Variants in PPFIA2 observed in about 807,000 individuals in gnomAD.
PPFIA2 encodes liprin-alpha-2.
A neutral mutation model predicts 175.5 loss-of-function variants in PPFIA2; 46 were observed. That is an observed-to-expected ratio of 0.26 (90% CI 0.21 to 0.34). The LOEUF is 0.34. Ranked by LOEUF, PPFIA2 falls within the 10% of genes least tolerant of loss-of-function variation. The pLI is 1.00. For missense variants in PPFIA2, 1,179 were observed against 1,506.1 expected, an observed-to-expected ratio of 0.78 and a Z score of 3.60; for synonymous variants, 568 against 511.4, an observed-to-expected ratio of 1.11 and a Z score of -1.49.
intron 22 of PPFIA2, among the ~76,000 whole-genome samples, chr12:81,315,140 G>C (rs1439358444): frequency 6.6e-6 from 1 of 151,802 alleles, no homozygotes; most frequent in Non-Finnish European, 1.5e-5. Context: ...AAACTCATCA[G>C]CAGAAGATTC....
intron 3 of PPFIA2, among the ~76,000 whole-genome samples, chr12:81,753,562 C>A (rs1400786217): frequency 1.3e-5 from 2 of 149,454 alleles, no homozygotes; most frequent in Non-Finnish European, 3.0e-5. Context: ...ACGAGACTTC[C>A]AAAGTACGGT....
chr12:81,270,122 T>C (rs1362327946), intron 28 of PPFIA2, among the ~76,000 whole-genome samples: 2 of 152,230 alleles, frequency 1.3e-5, no homozygotes, highest in African/African-American at 4.8e-5. Context: ...ACATGGATTT[T>C]GTTTTGTATA....
chr12:81,499,317 A>T (rs1470889722), intron 4 of PPFIA2, among the ~76,000 whole-genome samples: 2 of 152,172 alleles, frequency 1.3e-5, no homozygotes, highest in Admixed American at 6.5e-5. Context: ...AAAATTGATG[A>T]TAATCTCAAA....
chr12:81,367,765 G>T (rs1352870733), intron 13 of PPFIA2, among the ~76,000 whole-genome samples: 2 of 151,508 alleles, frequency 1.3e-5, no homozygotes, highest in African/African-American at 4.8e-5. Context: ...AACCTTGCCA[G>T]AAAATTATTT....
At chr12:81,680,702 T>C (rs1254553472) in intron 3 of PPFIA2, among the ~76,000 whole-genome samples, 1 of 151,954 alleles carries the variant, frequency 6.6e-6, no homozygotes, top group Non-Finnish European at 1.5e-5. Context: ...CAGGTCCATC[T>C]TCAGGATATC....
At chr12:81,641,176 G>A (rs536502110) in intron 4 of PPFIA2, among the ~76,000 whole-genome samples, 1 of 152,018 alleles carries the variant, frequency 6.6e-6, no homozygotes, top group African/African-American at 2.4e-5. Context: ...GTCTGGAATG[G>A]GTTTTAATCA....
intron 24 of PPFIA2, among the ~76,000 whole-genome samples, chr12:81,285,788 G>A (rs1205374456): frequency 2.1e-4 from 32 of 152,052 alleles, no homozygotes; most frequent in Admixed American, 2.0e-3. Flanking sequence ...CTGGGTTATT[G>A]GTTTATGTAT....
intron 4 of PPFIA2, among the ~76,000 whole-genome samples, chr12:81,548,725 T>C (rs1261862561): frequency 6.6e-6 from 1 of 152,140 alleles, no homozygotes; most frequent in Non-Finnish European, 1.5e-5. Context: ...TATGTAAAAA[T>C]GCACGTAGCC....
Position 81,521,527 on chromosome 12 carries a change from G to A in PPFIA2, c.304-63661C>T, listed in dbSNP as rs139555330. 4.2e-4 allele frequency among the ~76,000 whole-genome samples: 64 copies of A among 152,104 alleles called. No individual in the cohort carries two copies. The East Asian group carries it at 0.011, about 27-fold the overall frequency. ...AAAAGTAATGTCATCCAAAGGAACA[G>A]TGTTTGAAGTATTCATAGCCTTTTG... On this transcript the variant is annotated intron_variant, in intron 4 of 32. Transcript: ENST00000549396.
chr12:81,311,259 C>A (rs2050705346), intron 22 of PPFIA2, among the ~76,000 whole-genome samples: 1 of 152,120 alleles, frequency 6.6e-6, no homozygotes, highest in Non-Finnish European at 1.5e-5. Flanking sequence ...TAGAAATCAA[C>A]CAGTAGTACA....
chr12:81,372,145 CTGTT>C (rs1424936188), intron 11 of PPFIA2, among the ~76,000 whole-genome samples: 1 of 151,672 alleles, frequency 6.6e-6, no homozygotes, highest in African/African-American at 2.4e-5. Flanking sequence ...TGGTGAAAAA[CTGTT>C]TATCTTAGTT....
Position 81,544,911 on chromosome 12 carries a change from A to G in PPFIA2, c.304-87045T>C, listed in dbSNP as rs1033893119. 7.2e-5 allele frequency among the ~76,000 whole-genome samples: 11 copies of G among 152,204 alleles called. No homozygotes were observed. The South Asian group carries it at 1.0e-3, about 14-fold the overall frequency. ...TAATTAATAGTACAAAATTTCAGTT[A>G]AATGCTTAAATCATAGCAAACTACA... On this transcript the variant is annotated intron_variant, in intron 4 of 32. Coordinates refer to ENST00000549396, the MANE Select transcript of PPFIA2 (RefSeq NM_003625.5).
intron 15 of PPFIA2, among the ~76,000 whole-genome samples, chr12:81,360,268 T>A (rs530797760): frequency 6.6e-6 from 1 of 151,892 alleles, no homozygotes; most frequent in Non-Finnish European, 1.5e-5. Context: ...TTCAGTATTT[T>A]GAAAGGCTTT....
chr12:81,302,195 T>C (rs118129754), intron 22 of PPFIA2: 706 of 415,586 alleles, frequency 1.7e-3, no homozygotes, highest in Non-Finnish European at 3.0e-3. Context: ...CTTATAACCA[T>C]GTACAACATT....
At chr12:81,391,028 A>C (rs2040017256) in intron 8 of PPFIA2, among the ~76,000 whole-genome samples, 1 of 151,952 alleles carries the variant, frequency 6.6e-6, no homozygotes, top group Non-Finnish European at 1.5e-5. Flanking sequence ...AGTGGAAGAT[A>C]ATAAGTTTTA....
chr12:81,302,428 C>A (rs1245405760), intron 22 of PPFIA2, among the ~76,000 whole-genome samples: 1 of 152,138 alleles, frequency 6.6e-6, no homozygotes, highest in Admixed American at 6.5e-5. Flanking sequence ...ATTGAGCAAT[C>A]TGGCCACTGA....
intron 3 of PPFIA2, among the ~76,000 whole-genome samples, chr12:81,686,920 A>T (rs1311311932): frequency 2.0e-5 from 3 of 151,246 alleles, no homozygotes; most frequent in Admixed American, 2.0e-4. Flanking sequence ...TCCTTTTTCC[A>T]CTCTCACTTT....
intron 27 of PPFIA2, among the ~76,000 whole-genome samples, chr12:81,278,890 A>G (rs1434231714): frequency 3.3e-5 from 5 of 152,204 alleles, no homozygotes; most frequent in Admixed American, 1.3e-4. Flanking sequence ...TACTTGCTAG[A>G]TGCATTTCTA....
chr12:81,403,348 G>A (rs922741564), intron 8 of PPFIA2, among the ~76,000 whole-genome samples: 1 of 152,132 alleles, frequency 6.6e-6, no homozygotes, highest in African/African-American at 2.4e-5. Context: ...TATCAATTAT[G>A]CATAAATCCT....
Sources: allele counts gnomAD v4.1 joint callset (sites outside exome capture counted in the v4.1 genomes callset), GRCh38; gene constraint gnomAD v4.1.1; transcripts MANE v1.5; gene names NCBI Gene and HGNC (gene_info 2026-07-23, HGNC 2026-07-21).